The following RAB35 variants were observed in gnomAD, a reference collection of about 807,000 sequenced individuals.
RAB35 encodes RAB35, member RAS oncogene family.
RAB35 carries 4 observed loss-of-function variants against 28.9 expected under a neutral mutation model. The observed-to-expected ratio is 0.14, with a 90% confidence interval of 0.07 to 0.32. The LOEUF (loss-of-function observed/expected upper bound fraction) is 0.32, where lower values mean the gene tolerates loss of function less well. Ranked by LOEUF, RAB35 falls within the 10% of genes least tolerant of loss-of-function variation. RAB35 has a pLI of 1.00. For missense variants in RAB35, 128 were observed against 274.0 expected, an observed-to-expected ratio of 0.47 and a Z score of 3.76; for synonymous variants, 99 against 105.1, an observed-to-expected ratio of 0.94 and a Z score of 0.35.
chr12:120,112,429 C>T (rs985835403), intron 1 of RAB35, among the ~76,000 whole-genome samples: 1 of 151,676 alleles, frequency 6.6e-6, no homozygotes, highest in African/African-American at 2.4e-5. Flanking sequence ...GAACTGTTCT[C>T]GATATTTTTT....
chr12:120,108,564 T>G (rs763910719), intron 1 of RAB35, 97 bp from the exon 2 acceptor site: 1 of 1,167,978 alleles, frequency 8.6e-7, no homozygotes, highest in African/African-American at 1.5e-5. Context: ...GTCCCAACTC[T>G]TAAGAAGCTC....
At chr12:120,111,718 C>T (rs1876125677) in intron 1 of RAB35, among the ~76,000 whole-genome samples, 1 of 151,888 alleles carries the variant, frequency 6.6e-6, no homozygotes, top group Non-Finnish European at 1.5e-5. Context: ...AAGACCACAA[C>T]CATCACCACA....
chr12:120,107,691 A>AC (rs757899092), intron 2 of RAB35, among the ~76,000 whole-genome samples: 10 of 151,984 alleles, frequency 6.6e-5, no homozygotes, highest in Admixed American at 3.9e-4. Context: ...ACATGGTGAA[A>AC]CCCCATCTCT....
At position 120,096,669 on chromosome 12, in the gene RAB35, A is replaced by G. The variant is rs947233388; in HGVS notation, c.*576T>C. Reference sequence around the variant, plus strand: ...CCAGAATGGCTGTGGGGACAGGACAACGGGGAGGGAAGGGAGCTGGCACAG... The same window carrying G: ...CCAGAATGGCTGTGGGGACAGGACAGCGGGGAGGGAAGGGAGCTGGCACAG... On this transcript the variant is annotated 3_prime_UTR_variant, in exon 6 of 6. Transcript: ENST00000229340. 12 of 1,289,726 alleles carry G rather than the reference A, an allele frequency of 9.3e-6. No homozygotes were observed. Among genetic ancestry groups the G allele is most frequent in the Non-Finnish European group, 1.2e-5 (12 of 988,878 alleles). The allele number at this position is 1,289,726 out of a possible 1,614,324, so 79.9% of individuals were successfully genotyped here.
chr12:120,108,713 A>C (rs1194449350), intron 1 of RAB35: 1 of 645,980 alleles, frequency 1.5e-6, no homozygotes, highest in Non-Finnish European at 2.9e-6. Context: ...CCTGGGGGAG[A>C]GATGAGAAAG....
intron 2 of RAB35, 115 bp from the exon 3 acceptor site, chr12:120,104,064 C>T: frequency 7.1e-7 from 1 of 1,399,416 alleles, no homozygotes. Context: ...ATTACATGTG[C>T]CTGGTACATT....
At chr12:120,098,642 G>A (rs1431055923) in intron 5 of RAB35, among the ~76,000 whole-genome samples, 169 bp downstream of exon 5, 1 of 152,254 alleles carries the variant, frequency 6.6e-6, no homozygotes, top group East Asian at 1.9e-4. Flanking sequence ...TCAGAGGACT[G>A]TTGAACTATG....
chr12:120,113,381 G>A (rs977238485), intron 1 of RAB35, among the ~76,000 whole-genome samples: 13 of 151,872 alleles, frequency 8.6e-5, no homozygotes, highest in Non-Finnish European at 1.9e-4. Context: ...CACAAGTCAC[G>A]CCCCCTCTCT....
Position 120,110,290 on chromosome 12 carries a change from A to AT in RAB35, c.53-1824dup, listed in dbSNP as rs3999541. Among the ~76,000 whole-genome samples, 93 of 88,590 alleles carry AT rather than the reference A, an allele frequency of 1.0e-3. 2 individuals are homozygous for AT. Among genetic ancestry groups the AT allele is most frequent in the Admixed American group, 3.5e-3 (26 of 7,376 alleles). The allele number at this position is 88,590 out of a possible 152,430, so 58.1% of individuals were successfully genotyped here. On this transcript the variant is annotated intron_variant, in intron 1 of 5. Transcript: ENST00000229340. The stretch of plus-strand genomic sequence containing the variant: ...TCTGTTCATGGGAGAAGCCCACAGC[A>AT]TTTTTTTTTTTTTTGGAGAGATAGG...
chr12:120,098,472 C>T lies in RAB35; in HGVS notation c.477+339G>A, dbSNP rs541669152. ...CCTCTGGGCTCCACACAGCACAAGG[C>T]GGCCAATGAGGCAGAGGACTGGAGT... On this transcript the variant is annotated intron_variant, in intron 5 of 5. Coordinates refer to ENST00000229340, the MANE Select transcript of RAB35 (RefSeq NM_006861.7). 7.2e-5 allele frequency among the ~76,000 whole-genome samples: 11 copies of T among 152,346 alleles called. No individual in the cohort carries two copies. In the South Asian group the frequency reaches 1.9e-3, roughly 26 times the overall value.
In RAB35 at chr12:120,108,617, G is replaced by A. The variant is rs748579026; in HGVS notation, c.53-150C>T. ...TTCTCAATGCTCTTTCCACCTCCCT[G>A]AGCGGCCACACACCAAGAACATCTC... is the stretch of plus-strand genomic sequence containing the variant. On this transcript the variant is annotated intron_variant, in intron 1 of 5. Transcript: ENST00000229340. The A allele has an allele frequency of 2.2e-5, 16 of 737,970 alleles. No individual in the cohort carries two copies. In the Admixed American group the frequency reaches 3.2e-4, roughly 15 times the overall value. 45.7% of individuals were successfully genotyped at this position (737,970 alleles called of 1,614,324 possible). A position where few individuals can be genotyped will look rare whatever the true frequency, so the allele number is the denominator to read the frequency against.
chr12:120,097,499 C>G (rs1326955284), intron 5 of RAB35, 126 bp from the exon 6 acceptor site: 1 of 685,816 alleles, frequency 1.5e-6, no homozygotes, highest in African/African-American at 1.8e-5. Context: ...GTATGTATGT[C>G]TTCAAAGCCT....
chr12:120,103,793 G>A lies in RAB35; in HGVS notation c.227+33C>T, dbSNP rs73217390. 0.063 allele frequency: 101,381 copies of A among 1,611,370 alleles called. 3,628 individuals are homozygous for A. Among genetic ancestry groups the A allele is most frequent in the Middle Eastern group, 0.074 (445 of 6,002 alleles). ...TCAACTGTGTCCACAGGTCAGTGGC[G>A]CGGGTTGGGTGGGAGTGGGCGTGTG... is the stretch of plus-strand genomic sequence containing the variant. On this transcript the variant is annotated intron_variant, in intron 3 of 5. Coordinates refer to ENST00000229340, the MANE Select transcript of RAB35 (RefSeq NM_006861.7). The surrounding 1 kb of genome is among the most constrained non-coding windows in gnomAD (Gnocchi z 6.1).
At chr12:120,111,415 C>T (rs1214227174) in intron 1 of RAB35, among the ~76,000 whole-genome samples, 1 of 152,208 alleles carries the variant, frequency 6.6e-6, no homozygotes, top group Non-Finnish European at 1.5e-5. Context: ...GGCGCAGTGG[C>T]TCACACCCGT....
At position 120,107,150 on chromosome 12, in the gene RAB35, A is replaced by G. The variant is rs558389444; in HGVS notation, c.103+1267T>C. ...ATTATAGGTATGCACCACCACGCCC[A>G]GCTAATTTTTGTATTTTTAGTAGAG... On this transcript the variant is annotated intron_variant, in intron 2 of 5. Transcript: ENST00000229340. 1.6e-3 allele frequency among the ~76,000 whole-genome samples: 249 copies of G among 151,614 alleles called. 1 individual carries two copies. The highest frequency in any genetic ancestry group is 5.4e-3 in the South Asian group (26 of 4,782).
rs1163492956 is a variant in RAB35 at position 120,095,151 on chromosome 12, A to C, written c.*2094T>G. On this transcript the variant is annotated 3_prime_UTR_variant, in exon 6 of 6. Coordinates refer to ENST00000229340, the MANE Select transcript of RAB35 (RefSeq NM_006861.7). ...TATTTTTTTAAAAAGCATAATTAGAAACTTTCAATACAGAAATACTCCTAG... is the reference window on the plus strand; with the variant it reads ...TATTTTTTTAAAAAGCATAATTAGACACTTTCAATACAGAAATACTCCTAG... 6.6e-6 allele frequency: 1 copy of C among 152,428 alleles called. No individual in the cohort carries two copies. The highest frequency in any genetic ancestry group is 1.5e-5 in the Non-Finnish European group (1 of 68,046). 9.4% of individuals were successfully genotyped at this position (152,428 alleles called of 1,614,324 possible). A position where few individuals can be genotyped will look rare whatever the true frequency, so the allele number is the denominator to read the frequency against.
intron 1 of RAB35, among the ~76,000 whole-genome samples, chr12:120,109,564 C>T (rs747326030): frequency 7.2e-5 from 11 of 152,268 alleles, no homozygotes; most frequent in African/African-American, 1.7e-4. Context: ...CTGACCTCAG[C>T]CTCCCGAGTA....
Position 120,116,682 on chromosome 12 carries a change from G to C in RAB35, c.-32C>G. ...CGGGGGCGGTGCGCGCGGGCGGGCG[G>C]GGTCGGTACTGGCCTCGCGATCCGC... On this transcript the variant is annotated 5_prime_UTR_variant, in exon 1 of 6. Coordinates refer to ENST00000229340, the MANE Select transcript of RAB35 (RefSeq NM_006861.7). The C allele has an allele frequency of 8.2e-7, 1 of 1,223,134 alleles. No individual in the cohort carries two copies. Among genetic ancestry groups the C allele is most frequent in the Non-Finnish European group, 1.0e-6 (1 of 982,326 alleles). The allele number at this position is 1,223,134 out of a possible 1,614,324, so 75.8% of individuals were successfully genotyped here. A position where few individuals can be genotyped will look rare whatever the true frequency, so the allele number is the denominator to read the frequency against.
chr12:120,106,591 C>CT lies in RAB35; in HGVS notation c.103+1825dup, dbSNP rs10709764. Among the ~76,000 whole-genome samples the CT allele has an allele frequency of 8.6e-4, 88 of 102,706 alleles. 1 individual carries two copies. Among genetic ancestry groups the CT allele is most frequent in the African/African-American group, 1.2e-3 (31 of 26,780 alleles). The allele number at this position is 102,706 out of a possible 152,430, so 67.4% of individuals were successfully genotyped here. On this transcript the variant is annotated intron_variant, in intron 2 of 5. Coordinates refer to ENST00000229340, the MANE Select transcript of RAB35 (RefSeq NM_006861.7). ...TCAGCTATGGAATCACTTTCTTTTT[C>CT]TTTTTTTTTTTTTTTTTTTGAGACG...
Sources: gnomAD v4.1 joint callset for allele counts (sites outside exome capture counted in the v4.1 genomes callset) on GRCh38, gnomAD v4.1.1 for gene constraint, Gnocchi (gnomAD v3.1) non-coding constraint, MANE v1.5 for transcripts, NCBI Gene and HGNC (gene_info 2026-07-23, HGNC 2026-07-21) for gene names.